SLC35D4: variants seen among roughly 807,000 people sequenced by gnomAD.
SLC35D4 encodes UDP-N-acetylglucosamine transporter SLC35D4.
the SLC35D4 span, chr18:23,437,915 G>A: frequency 2.0e-6 from 3 of 1,537,844 alleles, no homozygotes; most frequent in Non-Finnish European, 2.7e-6. Context: ...GCCGCCGCCC[G>A]ACCCCCGCAG....
chr18:23,319,630 G>T, the SLC35D4 span, among the ~76,000 whole-genome samples: 1 of 152,034 alleles, frequency 6.6e-6, no homozygotes, highest in Admixed American at 6.6e-5. Context: ...GTAGAGATGG[G>T]GTTTCACCAT....
chr18:23,383,763 C>T, the SLC35D4 span, among the ~76,000 whole-genome samples: 3 of 152,020 alleles, frequency 2.0e-5, no homozygotes, highest in African/African-American at 7.2e-5. Flanking sequence ...CCCATCCTCT[C>T]CTTGGTGCAA....
chr18:23,331,628 T>C, the SLC35D4 span: 112,554 of 152,702 alleles, frequency 0.74, 42,023 homozygotes, highest in Middle Eastern at 0.86. Context: ...CTCAAGTACA[T>C]GGCTTGCTGA....
At chr18:23,368,854 C>T in the SLC35D4 span, 2 of 735,332 alleles carry the variant, frequency 2.7e-6, no homozygotes, top group Non-Finnish European at 4.3e-6. Flanking sequence ...TTAGTTACTA[C>T]TTTTATAAAT....
chr18:23,393,262 T>A, the SLC35D4 span, among the ~76,000 whole-genome samples: 1 of 152,000 alleles, frequency 6.6e-6, no homozygotes, highest in Non-Finnish European at 1.5e-5. Flanking sequence ...CACAAAAAGT[T>A]GCCACCTTAA....
the SLC35D4 span, among the ~76,000 whole-genome samples, chr18:23,390,826 T>C: frequency 6.6e-6 from 1 of 152,230 alleles, no homozygotes; most frequent in South Asian, 2.1e-4. Flanking sequence ...TATGCAGATG[T>C]GTCCTTAACC....
chr18:23,264,275 C>A, the SLC35D4 span, among the ~76,000 whole-genome samples: 1 of 151,670 alleles, frequency 6.6e-6, no homozygotes, highest in Non-Finnish European at 1.5e-5. Flanking sequence ...TTTATTCATG[C>A]CAGAAGGCAA....
chr18:23,379,835 C>T, the SLC35D4 span, among the ~76,000 whole-genome samples: 1 of 151,970 alleles, frequency 6.6e-6, no homozygotes. Flanking sequence ...GTGGCTCATG[C>T]CTGTAATCCC....
the SLC35D4 span, among the ~76,000 whole-genome samples, chr18:23,378,143 T>C: frequency 6.6e-6 from 1 of 151,736 alleles, no homozygotes; most frequent in Non-Finnish European, 1.5e-5. Flanking sequence ...CTCAGCCTCC[T>C]GAGTAGCTAG....
the SLC35D4 span, among the ~76,000 whole-genome samples, chr18:23,358,749 T>C: frequency 6.6e-6 from 1 of 152,122 alleles, no homozygotes; most frequent in African/African-American, 2.4e-5. Flanking sequence ...CCAAGAGTAT[T>C]GGAAAGACCT....
chr18:23,324,098 A>G, the SLC35D4 span, among the ~76,000 whole-genome samples: 31 of 151,706 alleles, frequency 2.0e-4, no homozygotes, highest in East Asian at 3.9e-4. Flanking sequence ...AAAAAAAAAA[A>G]AAGAAGAAAC....
chr18:23,337,247 G>A, the SLC35D4 span, among the ~76,000 whole-genome samples: 1 of 152,158 alleles, frequency 6.6e-6, no homozygotes, highest in East Asian at 1.9e-4. Flanking sequence ...GCCGAGGCAG[G>A]CGGATCACAA....
chr18:23,266,574 G>T, the SLC35D4 span, among the ~76,000 whole-genome samples: 2 of 152,228 alleles, frequency 1.3e-5, no homozygotes, highest in Non-Finnish European at 2.9e-5. Flanking sequence ...CAGGAGCTGG[G>T]ACCGGTGATG....
the SLC35D4 span, among the ~76,000 whole-genome samples, chr18:23,361,120 A>AAAG: frequency 1.4e-4 from 20 of 138,338 alleles, no homozygotes; most frequent in African/African-American, 3.5e-4. Context: ...AAAAAAAAAA[A>AAAG]AAAAAGAAAA....
chr18:23,357,244 G>T, the SLC35D4 span, among the ~76,000 whole-genome samples: 1 of 151,996 alleles, frequency 6.6e-6, no homozygotes, highest in African/African-American at 2.4e-5. Context: ...ACAGCACGGG[G>T]GCCAGACCAA....
the SLC35D4 span, among the ~76,000 whole-genome samples, chr18:23,343,904 T>TC: frequency 6.6e-6 from 1 of 151,774 alleles, no homozygotes; most frequent in African/African-American, 2.4e-5. Flanking sequence ...CTCATTCTTT[T>TC]TTTTTTTTTT....
chr18:23,358,092 GCCC>G, the SLC35D4 span, among the ~76,000 whole-genome samples: 2 of 152,202 alleles, frequency 1.3e-5, no homozygotes, highest in Non-Finnish European at 2.9e-5. Flanking sequence ...AGTGGCCAGA[GCCC>G]TCCATTCAGG....
the SLC35D4 span, among the ~76,000 whole-genome samples, chr18:23,254,387 C>A: frequency 6.6e-6 from 1 of 152,136 alleles, no homozygotes; most frequent in East Asian, 1.9e-4. Context: ...AAGGAGAGCC[C>A]TAGCAAAGCA....
At chr18:23,341,563 C>G in the SLC35D4 span, among the ~76,000 whole-genome samples, 12 of 152,230 alleles carry the variant, frequency 7.9e-5, no homozygotes, top group African/African-American at 1.7e-4. Flanking sequence ...TTCTGAGTCA[C>G]TTTCTGAACA....
Sources: allele counts gnomAD v4.1 joint callset (sites outside exome capture counted in the v4.1 genomes callset), GRCh38; gene constraint gnomAD v4.1.1; transcripts MANE v1.5; gene names NCBI Gene and HGNC (gene_info 2026-07-23, HGNC 2026-07-21).